TTLL5: variants seen among roughly 807,000 people sequenced by gnomAD.
TTLL5 encodes the protein tubulin tyrosine ligase like 5, also known as tubulin polyglutamylase TTLL5.
In TTLL5, 132 loss-of-function variants were observed where a neutral mutation model predicts 168.4. That is an observed-to-expected ratio of 0.78 (90% CI 0.68 to 0.91). The LOEUF (loss-of-function observed/expected upper bound fraction) is 0.91, where lower values mean the gene tolerates loss of function less well. Among genes scored for constraint, TTLL5 ranks in the 40% least tolerant of loss-of-function variants. The pLI, the probability that TTLL5 is intolerant of heterozygous loss-of-function variation, is 0.00. For synonymous variants in TTLL5, 546 were observed against 558.6 expected (o/e 0.98, Z 0.32); for missense variants, 1,545 against 1,581.5 (o/e 0.98, Z 0.39).
At chr14:75,772,106 T>C (rs1891367903) in intron 21 of TTLL5, among the ~76,000 whole-genome samples, 1 of 152,222 alleles carries the variant, frequency 6.6e-6, no homozygotes, top group African/African-American at 2.4e-5. Context: ...GGCATCAATG[T>C]ATTTCATTTT....
chr14:75,758,093 T>C lies in TTLL5; in HGVS notation c.1550+5138T>C, dbSNP rs532382137. Among the ~76,000 whole-genome samples the C allele has an allele frequency of 8.5e-5, 13 of 152,376 alleles. No homozygotes were observed. The Middle Eastern group carries it at 0.014, about 159-fold the overall frequency. On this transcript the variant is annotated intron_variant, in intron 18 of 31. Coordinates refer to ENST00000298832, the MANE Select transcript of TTLL5 (RefSeq NM_015072.5). ...GGTATACTATTCTAACTGAAGATGG[T>C]ATTCTCGTTTAGCTGTGTGAGAGAG... is the stretch of plus-strand genomic sequence containing the variant.
intron 31 of TTLL5, among the ~76,000 whole-genome samples, chr14:75,910,036 C>T (rs143087941): frequency 9.4e-4 from 143 of 152,286 alleles, no homozygotes; most frequent in South Asian, 1.7e-3. Context: ...AAGAATCTAT[C>T]CAAAAGGGGT....
At chr14:75,937,199 T>C (rs7400877) in intron 31 of TTLL5, among the ~76,000 whole-genome samples, 121,788 of 151,660 alleles carry the variant, frequency 0.8, 49,095 homozygotes, top group African/African-American at 0.87. Context: ...TCACTGCAAC[T>C]GCCAACTCCC....
At chr14:75,948,709 G>A (rs921338922) in intron 31 of TTLL5, among the ~76,000 whole-genome samples, 2 of 151,960 alleles carry the variant, frequency 1.3e-5, no homozygotes, top group African/African-American at 2.4e-5. Context: ...AGATATAGAG[G>A]AAAATAAACA....
intron 30 of TTLL5, chr14:75,886,795 T>C (rs1288168419): frequency 3.1e-6 from 5 of 1,589,704 alleles, no homozygotes; most frequent in Non-Finnish European, 4.3e-6. Context: ...ACTACATGCA[T>C]CTGAACTGTC....
intron 28 of TTLL5, among the ~76,000 whole-genome samples, chr14:75,841,761 G>T (rs1267950454): frequency 6.6e-6 from 1 of 151,994 alleles, no homozygotes; most frequent in Non-Finnish European, 1.5e-5. Context: ...TGTACAAGTG[G>T]TACACACATG....
chr14:75,713,098 A>G (rs1488963980), intron 9 of TTLL5, among the ~76,000 whole-genome samples: 1 of 152,206 alleles, frequency 6.6e-6, no homozygotes, highest in Non-Finnish European at 1.5e-5. Context: ...GACTGACTCC[A>G]TCGTGTAAAT....
chr14:75,782,562 A>C lies in TTLL5; in HGVS notation c.2591A>C (p.Asp864Ala). ...CAACAGACGACAGAAATTCATTCTG[A>C]TAAATTATCTCGTGAGTGATTTCAA... The part of the protein sequence containing the change: ...KQQQTTEIHS[D>A]KLSRFTTSAE... Residue 864 changes from aspartate (D) to alanine (A), a missense_variant, in exon 25 of 32, where the codon GAT (aspartate) becomes GCT (alanine). By Grantham distance (126) the Asp-to-Ala change is moderately radical. Transcript: ENST00000298832. 1 of 1,613,844 alleles carries C rather than the reference A, an allele frequency of 6.2e-7. No homozygotes were observed. The highest frequency in any genetic ancestry group is 1.1e-5 in the South Asian group (1 of 91,012).
chr14:75,941,866 T>C (rs965598528), intron 31 of TTLL5, among the ~76,000 whole-genome samples: 6 of 147,378 alleles, frequency 4.1e-5, no homozygotes, highest in African/African-American at 7.7e-5. Context: ...TTTTTTTTTT[T>C]TCTGAACTGG....
intron 31 of TTLL5, among the ~76,000 whole-genome samples, chr14:75,948,485 TAAA>T (rs771491969): frequency 6.8e-6 from 1 of 146,464 alleles, no homozygotes; most frequent in Non-Finnish European, 1.5e-5. Flanking sequence ...AACCCTATCT[TAAA>T]AAAAAAAATC....
intron 3 of TTLL5, among the ~76,000 whole-genome samples, chr14:75,675,774 G>A (rs1213198853): frequency 6.6e-6 from 1 of 152,176 alleles, no homozygotes; most frequent in African/African-American, 2.4e-5. Flanking sequence ...GGGAGAGAAA[G>A]CCCAGGTACA....
intron 27 of TTLL5, among the ~76,000 whole-genome samples, chr14:75,799,241 G>A (rs1893154419): frequency 6.6e-6 from 1 of 152,054 alleles, no homozygotes; most frequent in African/African-American, 2.4e-5. Context: ...TCTTTAAACT[G>A]TTATTGCTTT....
intron 30 of TTLL5, among the ~76,000 whole-genome samples, chr14:75,890,119 C>T (rs939921389): frequency 6.6e-6 from 1 of 152,176 alleles, no homozygotes; most frequent in Admixed American, 6.5e-5. Flanking sequence ...CCCATGAGGA[C>T]TTCCCTGAGC....
At chr14:75,942,064 T>G (rs916405463) in intron 31 of TTLL5, among the ~76,000 whole-genome samples, 2 of 151,772 alleles carry the variant, frequency 1.3e-5, no homozygotes, top group African/African-American at 2.4e-5. Flanking sequence ...GTGCCTGTAG[T>G]CCCAGCTACT....
At chr14:75,824,439 G>A (rs998226952) in intron 28 of TTLL5, among the ~76,000 whole-genome samples, 3 of 152,160 alleles carry the variant, frequency 2.0e-5, no homozygotes, top group African/African-American at 7.2e-5. Context: ...GTCCTGTCCC[G>A]GATGAACCTT....
intron 31 of TTLL5, chr14:75,906,677 G>C: frequency 1.0e-6 from 1 of 985,792 alleles, no homozygotes; most frequent in African/African-American, 1.7e-5. Context: ...GCCAATTTAA[G>C]GTAACGGTAA....
chr14:75,946,690 A>G (rs1463126214), intron 31 of TTLL5, among the ~76,000 whole-genome samples: 1 of 152,204 alleles, frequency 6.6e-6, no homozygotes, highest in Non-Finnish European at 1.5e-5. Flanking sequence ...GAGACAAACA[A>G]CAGACCAAAT....
chr14:75,769,401 GT>G (rs1425423815), intron 20 of TTLL5, among the ~76,000 whole-genome samples: 3 of 151,914 alleles, frequency 2.0e-5, no homozygotes, highest in Non-Finnish European at 4.4e-5. Context: ...GGTTTCTTTG[GT>G]TTTTATTCTT....
At position 75,744,873 on chromosome 14, in the gene TTLL5, A is replaced by G. The variant is rs186531218; in HGVS notation, c.1282-222A>G. The G allele has an allele frequency of 3.7e-3, 1,316 of 357,880 alleles. 4 individuals carry two copies. Among genetic ancestry groups the G allele is most frequent in the Non-Finnish European group, 4.9e-3 (947 of 193,496 alleles). The allele number at this position is 357,880 out of a possible 1,614,324, so 22.2% of individuals were successfully genotyped here. The stretch of plus-strand genomic sequence containing the variant: ...TCTTCTCTTTTCTCTCTCAACCCAT[A>G]GTGTTCTTTTACTGTTCTGTTTTCT... On this transcript the variant is annotated intron_variant, in intron 15 of 31. Coordinates refer to ENST00000298832, the MANE Select transcript of TTLL5 (RefSeq NM_015072.5).
Sources: gnomAD v4.1 joint callset for allele counts (sites outside exome capture counted in the v4.1 genomes callset) on GRCh38, gnomAD v4.1.1 for gene constraint, MANE v1.5 for transcripts, NCBI Gene and HGNC (gene_info 2026-07-23, HGNC 2026-07-21) for gene names.